The following ALS2 variants were observed in gnomAD, a reference collection of about 807,000 sequenced individuals.
The protein encoded by ALS2 is alsin Rho guanine nucleotide exchange factor ALS2.
ALS2 carries 117 observed loss-of-function variants against 203.4 expected under a neutral mutation model. That is an observed-to-expected ratio of 0.58 (90% confidence interval 0.50 to 0.67). The LOEUF is 0.67. Among genes scored for constraint, ALS2 ranks in the 30% least tolerant of loss-of-function variants. The pLI, the probability that ALS2 is intolerant of heterozygous loss-of-function variation, is 0.00. For synonymous variants in ALS2, 718 were observed against 725.9 expected, an observed-to-expected ratio of 0.99 and a Z score of 0.17; for missense variants, 1,715 against 1,989.4, an observed-to-expected ratio of 0.86 and a Z score of 2.62.
In ALS2 at chr2:201,727,725, C is replaced by G; in HGVS notation, c.2892G>C (p.Leu964=). ...FPLATLWAEP[L]SEEAGGVNGL... ...CTTACACACCACCAGCTTCTTCAGA[C>G]AGTGGCTCTGCCCACAGCGTGGCCA... The change falls in exon 16 of 34, where the codon CTG becomes CTC. Residue 964 remains leucine, a synonymous_variant. Coordinates refer to ENST00000264276, the MANE Select transcript of ALS2 (RefSeq NM_020919.4). 6.4e-7 allele frequency: 1 copy of G among 1,551,724 alleles called. No individual in the cohort carries two copies. The highest frequency in any genetic ancestry group is 8.7e-7 in the Non-Finnish European group (1 of 1,147,010).
chr2:201,723,899 T>C (rs1473329506), intron 21 of ALS2, among the ~76,000 whole-genome samples: 2 of 152,132 alleles, frequency 1.3e-5, no homozygotes. Context: ...GGTGGATCAC[T>C]TGAGGCCAGG....
chr2:201,740,826 C>G (rs184773980), intron 11 of ALS2, among the ~76,000 whole-genome samples: 146 of 152,222 alleles, frequency 9.6e-4, no homozygotes, highest in African/African-American at 3.4e-3. Flanking sequence ...GTAATAAACA[C>G]ATGTTATTAT....
chr2:201,764,253 C>T (rs1387288977), intron 3 of ALS2, among the ~76,000 whole-genome samples: 3 of 152,104 alleles, frequency 2.0e-5, no homozygotes, highest in Non-Finnish European at 4.4e-5. Context: ...TAACATTATT[C>T]CACTAGAAAG....
At chr2:201,767,705 CA>C (rs57200737) in intron 2 of ALS2, among the ~76,000 whole-genome samples, 5,188 of 140,192 alleles carry the variant, frequency 0.037, 93 homozygotes, top group African/African-American at 0.056. Flanking sequence ...ACTAAAAATA[CA>C]AAAAAAAAAA....
chr2:201,720,153 A>G (rs1422518393), intron 23 of ALS2: 1 of 431,092 alleles, frequency 2.3e-6, no homozygotes, highest in African/African-American at 2.1e-5. Context: ...AGACAAAGAC[A>G]TCACAATAAA....
intron 13 of ALS2, among the ~76,000 whole-genome samples, chr2:201,733,027 G>T (rs1691671540): frequency 1.3e-5 from 2 of 152,188 alleles, no homozygotes; most frequent in Non-Finnish European, 1.5e-5. Flanking sequence ...CTCAACTTTA[G>T]ACAGTTTCAT....
At position 201,715,700 on chromosome 2, in the gene ALS2, T is replaced by A. The variant is rs199612668; in HGVS notation, c.3976A>T (p.Thr1326Ser). The A allele has an allele frequency of 2.5e-6, 4 of 1,614,226 alleles. No homozygotes were observed. In the East Asian group the frequency reaches 8.9e-5, roughly 36 times the overall value. The change falls in exon 25 of 34, where the codon ACC (threonine) becomes TCC (serine). Residue 1326 changes from threonine to serine, a missense_variant. By Grantham distance (58) the Thr-to-Ser change is moderately conservative (BLOSUM62 1). Coordinates refer to ENST00000264276, the MANE Select transcript of ALS2 (RefSeq NM_020919.4). ...TCTCTGTGCTGGCGCCGACTGGTGG[T>A]CAAGGCCACAGCAATATTGTCCCAT... is the stretch of plus-strand genomic sequence containing the variant. The part of the protein sequence containing the change: ...KAWDNIAVAL[T>S]TSRRQHRDSP...
intron 1 of ALS2, among the ~76,000 whole-genome samples, chr2:201,774,864 G>C (rs1694584991): frequency 6.6e-6 from 1 of 151,962 alleles, no homozygotes; most frequent in Admixed American, 6.6e-5. Context: ...TATATAACAG[G>C]TACTCAATAA....
rs1020627704 is a variant in ALS2, at chr2:201,725,517, G to A, written c.3249-63C>T. 4.0e-6 allele frequency: 5 copies of A among 1,260,672 alleles called. No individual in the cohort carries two copies. The Admixed American group carries it at 5.1e-5, about 13-fold the overall frequency. 78.1% of individuals were successfully genotyped at this position (1,260,672 alleles called of 1,614,324 possible). On this transcript the variant is annotated intron_variant, in intron 19 of 33. Transcript: ENST00000264276. ...TTTATGACATATTCACCTTTTGTAT[G>A]TATATCCTGGTAAACATTTTAACAA...
chr2:201,736,515 T>A (rs765138338), intron 12 of ALS2, among the ~76,000 whole-genome samples: 22 of 152,042 alleles, frequency 1.4e-4, no homozygotes, highest in Non-Finnish European at 3.1e-4. Context: ...AAATTTTAAA[T>A]TTGAAAAATT....
In ALS2 at chr2:201,710,876, ACAGGATG is replaced by A. The variant is rs1559034733; in HGVS notation, c.4122+108_4122+114del. On this transcript the variant is annotated intron_variant, in intron 26 of 33. Transcript: ENST00000264276. ...GTTTGATAATTAACAAAAGAAATGC[ACAGGATG>A]CAAAAACAGGATTAGAATAACATTA... 11 of 728,436 alleles carry A rather than the reference ACAGGATG, an allele frequency of 1.5e-5. 1 individual carries two copies. The highest frequency in any genetic ancestry group is 9.8e-6 in the Non-Finnish European group (4 of 407,466). 45.1% of individuals were successfully genotyped at this position (728,436 alleles called of 1,614,324 possible).
At chr2:201,710,941 T>C in intron 26 of ALS2, 50 bp downstream of exon 26, 2 of 1,065,052 alleles carry the variant, frequency 1.9e-6, no homozygotes, top group Non-Finnish European at 2.9e-6. Flanking sequence ...TATATTGTGG[T>C]AGGTGAATCA....
chr2:201,711,240 C>G, intron 25 of ALS2, 132 bp from the exon 26 acceptor site: 1 of 660,154 alleles, frequency 1.5e-6, no homozygotes, highest in South Asian at 1.7e-5. Context: ...ACCCAACGAA[C>G]TCAGAAATCA....
chr2:201,751,545 C>T (rs1224598086), intron 7 of ALS2, among the ~76,000 whole-genome samples: 1 of 152,114 alleles, frequency 6.6e-6, no homozygotes, highest in Non-Finnish European at 1.5e-5. Context: ...ACAACTGTTC[C>T]TTTATATATA....
intron 5 of ALS2, among the ~76,000 whole-genome samples, chr2:201,756,508 A>G (rs1187989920): frequency 2.3e-5 from 3 of 130,136 alleles, no homozygotes; most frequent in Admixed American, 8.3e-5. Context: ...AATCATGTAA[A>G]CCAGGAGTTG....
Position 201,761,090 on chromosome 2 carries a change from C to A in ALS2, c.904G>T (p.Ala302Ser). 1 of 1,614,192 alleles carries A rather than the reference C, an allele frequency of 6.2e-7. No individual in the cohort carries two copies. Among genetic ancestry groups the A allele is most frequent in the African/African-American group, 1.3e-5 (1 of 75,046 alleles). The change falls in exon 4 of 34, where the codon GCT becomes TCT. Residue 302 changes from alanine to serine, a missense_variant. Physicochemically the swap from Ala to Ser is moderately conservative, Grantham distance 99. Transcript: ENST00000264276. ...NTLVANDQSV[A>S]TELNAVSAQI... ...GCACTTACTGCATTCAGTTCAGTAG[C>A]AACAGACTGATCATTTGCTACAAGA...
chr2:201,779,197 T>A (rs1403937226), intron 1 of ALS2, among the ~76,000 whole-genome samples: 1 of 152,180 alleles, frequency 6.6e-6, no homozygotes, highest in Admixed American at 6.5e-5. Context: ...GAGAAGGGAT[T>A]CCTGTTTATA....
At chr2:201,720,846 G>A (rs1011908323) in intron 23 of ALS2, among the ~76,000 whole-genome samples, 2 of 151,878 alleles carry the variant, frequency 1.3e-5, no homozygotes, top group African/African-American at 4.8e-5. Context: ...AGTGCAACTG[G>A]ACAAGAAAAA....
intron 7 of ALS2, among the ~76,000 whole-genome samples, chr2:201,752,535 T>G (rs907335782): frequency 3.9e-5 from 6 of 152,112 alleles, no homozygotes; most frequent in Admixed American, 2.0e-4. Flanking sequence ...GTATGTGAAA[T>G]GTGCAATCAA....
Sources: gnomAD v4.1 joint callset for allele counts (sites outside exome capture counted in the v4.1 genomes callset) on GRCh38, gnomAD v4.1.1 for gene constraint, MANE v1.5 for transcripts, NCBI Gene and HGNC (gene_info 2026-07-23, HGNC 2026-07-21) for gene names.